Variants in IL1RAPL1 observed in about 807,000 individuals in gnomAD.
The protein encoded by IL1RAPL1 is interleukin 1 receptor accessory protein like 1, also known as interleukin-1 receptor accessory protein-like 1.
A neutral mutation model predicts 48.4 loss-of-function variants in IL1RAPL1; 3 were observed. The ratio of observed to expected loss-of-function variants is 0.06; its 90% CI spans 0.03 to 0.16. IL1RAPL1 has a LOEUF of 0.16. Ranked by LOEUF, IL1RAPL1 falls within the 10% of genes least tolerant of loss-of-function variation. The pLI is 1.00. For synonymous variants in IL1RAPL1, 185 were observed against 187.7 expected, an observed-to-expected ratio of 0.99 and a Z score of 0.12; for missense variants, 349 against 530.6, an observed-to-expected ratio of 0.66 and a Z score of 3.36.
At chrX:29,755,970 G>A (rs1928602690) in intron 6 of IL1RAPL1, among the ~76,000 whole-genome samples, 1 of 112,241 alleles carries the variant, frequency 8.9e-6, no homozygotes, top group African/African-American at 3.2e-5. Context: ...CTTATTAACT[G>A]TATGGTTTTG....
intron 6 of IL1RAPL1, among the ~76,000 whole-genome samples, chrX:29,846,082 A>G (rs1318910898): frequency 9.0e-6 from 1 of 111,219 alleles, no homozygotes; most frequent in African/African-American, 3.3e-5. Flanking sequence ...CGCACATCCA[A>G]ACTAATCAAC....
intron 2 of IL1RAPL1, among the ~76,000 whole-genome samples, chrX:29,257,554 G>A (rs1157552960): frequency 1.8e-5 from 2 of 111,713 alleles, no homozygotes; most frequent in Non-Finnish European, 3.8e-5. Flanking sequence ...AATCCCTAAC[G>A]GATGGGATGA....
intron 1 of IL1RAPL1, among the ~76,000 whole-genome samples, chrX:28,720,409 T>C (rs889856393): frequency 7.1e-5 from 8 of 111,915 alleles, no homozygotes; most frequent in Non-Finnish European, 1.3e-4. Context: ...CAGCTATACA[T>C]GTTAGCTGAT....
At chrX:29,224,786 A>G (rs1602121038) in intron 2 of IL1RAPL1, among the ~76,000 whole-genome samples, 1 of 112,493 alleles carries the variant, frequency 8.9e-6, no homozygotes, top group Non-Finnish European at 1.9e-5. Context: ...TTATAACTAA[A>G]GAGCATTTTT....
chrX:29,918,951 A>G (rs1255232258), intron 7 of IL1RAPL1, among the ~76,000 whole-genome samples: 1 of 112,332 alleles, frequency 8.9e-6, no homozygotes, highest in Non-Finnish European at 1.9e-5. Context: ...ACTCCCATCT[A>G]AAGATTGCAT....
At chrX:29,333,806 C>CG (rs1285282545) in intron 3 of IL1RAPL1, among the ~76,000 whole-genome samples, 3 of 83,544 alleles carry the variant, frequency 3.6e-5, no homozygotes, top group Non-Finnish European at 7.4e-5. Flanking sequence ...CGACCCCCCC[C>CG]CCCGCCTCCC....
intron 6 of IL1RAPL1, among the ~76,000 whole-genome samples, chrX:29,718,897 T>C (rs1569153071): frequency 8.9e-6 from 1 of 111,754 alleles, no homozygotes; most frequent in African/African-American, 3.3e-5. Context: ...CCCAAATGAA[T>C]GAAATTTAGA....
At position 29,399,039 on chromosome X, in the gene IL1RAPL1, A is replaced by C. The variant is rs181536853; in HGVS notation, c.550-116A>C. 1,950 of 530,887 alleles carry C rather than the reference A, an allele frequency of 3.7e-3. 8 individuals carry two copies. Among genetic ancestry groups the C allele is most frequent in the Non-Finnish European group, 4.9e-3 (1,569 of 318,501 alleles). 43.8% of individuals were successfully genotyped at this position (530,887 alleles called of 1,213,427 possible). A position where few individuals can be genotyped will look rare whatever the true frequency, so the allele number is the denominator to read the frequency against. ...AATGAAATTATTTAGCATTAGTTTC[A>C]AACTTTTTAGTCCCTTTAAAATGCA... On this transcript the variant is annotated intron_variant, in intron 4 of 10. Coordinates refer to ENST00000378993, the MANE Select transcript of IL1RAPL1 (RefSeq NM_014271.4).
At chrX:29,569,014 A>T (rs754498328) in intron 5 of IL1RAPL1, among the ~76,000 whole-genome samples, 31 of 111,526 alleles carry the variant, frequency 2.8e-4, no homozygotes, top group African/African-American at 1.0e-3. Flanking sequence ...TTTGATAGCC[A>T]CTTTAAATCC....
chrX:29,556,231 A>C (rs185066040), intron 5 of IL1RAPL1, among the ~76,000 whole-genome samples: 1 of 112,370 alleles, frequency 8.9e-6, no homozygotes, highest in African/African-American at 3.2e-5. Flanking sequence ...ATTTGATTAA[A>C]GCAAGTTAGG....
rs191245929 is a variant in IL1RAPL1, at chrX:29,159,392, A to G, written c.83-123546A>G. On this transcript the variant is annotated intron_variant, in intron 2 of 10. Transcript: ENST00000378993. ...TCAGTTTACATGACACTTCTTCTTT[A>G]ACTCTCCTCTGCAGATATTCAATCT... is the stretch of plus-strand genomic sequence containing the variant. 1.8e-4 allele frequency among the ~76,000 whole-genome samples: 20 copies of G among 111,643 alleles called. No individual in the cohort carries two copies. The East Asian group carries it at 5.7e-3, about 32-fold the overall frequency.
At chrX:29,416,252 A>T (rs1335794547) in intron 5 of IL1RAPL1, among the ~76,000 whole-genome samples, 1 of 111,642 alleles carries the variant, frequency 9.0e-6, no homozygotes, top group African/African-American at 3.3e-5. Context: ...TTTGGATTTT[A>T]AAAAACTCTG....
In IL1RAPL1 at chrX:28,631,981, C is replaced by T. The variant is rs978505446; in HGVS notation, c.-25+43934C>T. Among the ~76,000 whole-genome samples, 11 of 112,246 alleles carry T rather than the reference C, an allele frequency of 9.8e-5. 1 individual carries two copies. Among genetic ancestry groups the T allele is most frequent in the Admixed American group, 8.5e-4 (9 of 10,636 alleles). The stretch of plus-strand genomic sequence containing the variant: ...AAGGGGAATAACATTATCACTTGCT[C>T]GCATAGGTTAAAAGGTGATTAAGTA... On this transcript the variant is annotated intron_variant, in intron 1 of 10. Coordinates refer to ENST00000378993, the MANE Select transcript of IL1RAPL1 (RefSeq NM_014271.4).
intron 6 of IL1RAPL1, among the ~76,000 whole-genome samples, chrX:29,686,732 T>A (rs1215584563): frequency 9.2e-6 from 1 of 108,461 alleles, no homozygotes; most frequent in African/African-American, 3.4e-5. Context: ...TAATTTTTTG[T>A]ATTTTTAGTA....
At chrX:28,993,048 G>A (rs759676774) in intron 2 of IL1RAPL1, among the ~76,000 whole-genome samples, 1 of 112,006 alleles carries the variant, frequency 8.9e-6, no homozygotes, top group South Asian at 3.7e-4. Flanking sequence ...CAGTATTCTA[G>A]GCATGTTAAT....
At chrX:29,025,263 G>A (rs746927494) in intron 2 of IL1RAPL1, among the ~76,000 whole-genome samples, 2 of 112,170 alleles carry the variant, frequency 1.8e-5, no homozygotes, top group East Asian at 2.8e-4. Flanking sequence ...CTGAATGAAC[G>A]TTAATGTCCA....
intron 2 of IL1RAPL1, among the ~76,000 whole-genome samples, chrX:29,253,574 C>T (rs899229451): frequency 1.8e-5 from 2 of 111,321 alleles, no homozygotes; most frequent in Non-Finnish European, 3.8e-5. Flanking sequence ...GGCCCCACAA[C>T]TCCTTTAGGT....
rs1258422509 is a variant in IL1RAPL1 at position 29,279,824 on chromosome X, T to G, written c.83-3114T>G. On this transcript the variant is annotated intron_variant, in intron 2 of 10. Transcript: ENST00000378993. ...TATTCTGAAAGTGTGTAGTAATATC[T>G]ATATGCATTCCCAACACAACTCTCT... Among the ~76,000 whole-genome samples, 3 of 112,369 alleles carry G rather than the reference T, an allele frequency of 2.7e-5. No individual in the cohort carries two copies. The Admixed American group carries it at 2.8e-4, about 11-fold the overall frequency.
At chrX:29,036,241 G>A (rs1300821224) in intron 2 of IL1RAPL1, among the ~76,000 whole-genome samples, 1 of 112,250 alleles carries the variant, frequency 8.9e-6, no homozygotes, top group Non-Finnish European at 1.9e-5. Context: ...TGTTTTTACA[G>A]TGTTCACAAA....
Sources: gnomAD v4.1 joint callset for allele counts (sites outside exome capture counted in the v4.1 genomes callset) on GRCh38, gnomAD v4.1.1 for gene constraint, MANE v1.5 for transcripts, NCBI Gene and HGNC (gene_info 2026-07-23, HGNC 2026-07-21) for gene names.